The following APOC4 variants were observed in gnomAD, a reference collection of about 807,000 sequenced individuals.
The protein encoded by APOC4 is apolipoprotein C4, also known as apolipoprotein C-IV.
A neutral mutation model predicts 8.4 loss-of-function variants in APOC4; 10 were observed. The ratio of observed to expected loss-of-function variants is 1.19; its 90% confidence interval spans 0.74 to 2.03. The LOEUF is 2.03. APOC4 is among the 30% of genes most tolerant of loss of function. The probability of loss-of-function intolerance (pLI) is 0.00; values close to 1 mark genes in which losing one functional copy is unlikely to be tolerated. For missense variants in APOC4, 160 were observed against 156.1 expected (o/e 1.02, Z -0.13); for synonymous variants, 59 against 65.8 (o/e 0.90, Z 0.50).
intron 1 of APOC4, among the ~76,000 whole-genome samples, 156 bp from the exon 2 acceptor site, chr19:44,944,593 G>A (rs538075577): frequency 1.4e-3 from 211 of 152,012 alleles, no homozygotes; most frequent in African/African-American, 4.9e-3. Flanking sequence ...AGGGGTTAGC[G>A]GTCAGGGGAC....
chr19:44,944,384 G>A lies in APOC4; in HGVS notation c.77-365G>A, dbSNP rs547494676. ...TCTTCTAAAAATACAAAAATTAGCCGGGCATGATGGCAGATGCCTGTAATC... is the reference window on the plus strand; with the variant it reads ...TCTTCTAAAAATACAAAAATTAGCCAGGCATGATGGCAGATGCCTGTAATC... On this transcript the variant is annotated intron_variant, in intron 1 of 2. Transcript: ENST00000592954. 3.3e-4 allele frequency among the ~76,000 whole-genome samples: 50 copies of A among 151,910 alleles called. No homozygotes were observed. In the South Asian group the frequency reaches 7.1e-3, roughly 22 times the overall value.
chr19:44,944,788 C>G lies in APOC4; in HGVS notation c.116C>G (p.Pro39Arg), dbSNP rs780724569. ...GCCCAGGAAGGAACCCTGAGCCCCCCACCAAAGCTAAAGATGAGTCGCTGG... is the reference window on the plus strand; with the variant it reads ...GCCCAGGAAGGAACCCTGAGCCCCCGACCAAAGCTAAAGATGAGTCGCTGG... ...PEAQEGTLSP[P>R]PKLKMSRWSL... The change falls in exon 2 of 3, where the codon CCA (proline) becomes CGA (arginine). Residue 39 changes from proline to arginine, a missense_variant. Transcript: ENST00000592954. 9.3e-6 allele frequency: 15 copies of G among 1,611,706 alleles called. No individual in the cohort carries two copies. In the Admixed American group the frequency reaches 2.4e-4, roughly 25 times the overall value.
At chr19:44,942,953 GCT>G (rs2122198369) in intron 1 of APOC4, among the ~76,000 whole-genome samples, 1 of 151,368 alleles carries the variant, frequency 6.6e-6, no homozygotes, top group East Asian at 2.0e-4. Context: ...ACGGAGTCTC[GCT>G]CTGTTACCCA....
In APOC4 at chr19:44,945,342, C is replaced by T. The variant is rs1295013678; in HGVS notation, c.*37C>T. On this transcript the variant is annotated 3_prime_UTR_variant, in exon 3 of 3. Transcript: ENST00000592954. ...AAGCCAGGTGTGGTTGTGGCGGGTGCCTGTAGTCCCAGCTACTCAGGAGGC... is the reference window on the plus strand; with the variant it reads ...AAGCCAGGTGTGGTTGTGGCGGGTGTCTGTAGTCCCAGCTACTCAGGAGGC... 3 of 1,586,430 alleles carry T rather than the reference C, an allele frequency of 1.9e-6. No individual in the cohort carries two copies. The highest frequency in any genetic ancestry group is 2.6e-6 in the Non-Finnish European group (3 of 1,169,090).
rs113292373 is a variant in APOC4, at chr19:44,945,097, G to A, written c.219-43G>A. On this transcript the variant is annotated intron_variant, in intron 2 of 2. Coordinates refer to ENST00000592954, the MANE Select transcript of APOC4 (RefSeq NM_001646.3). Reference sequence around the variant, plus strand: ...CGGATAAATGGGGCAGAGAACACCTGGGGAGAGCTGGGGCCTCCACTGTGA... The same window carrying A: ...CGGATAAATGGGGCAGAGAACACCTAGGGAGAGCTGGGGCCTCCACTGTGA... The A allele has an allele frequency of 1.9e-5, 30 of 1,596,094 alleles. No individual in the cohort carries two copies. In the African/African-American group the frequency reaches 2.3e-4, roughly 12 times the overall value.
At chr19:44,943,489 C>T (rs138846824) in intron 1 of APOC4, among the ~76,000 whole-genome samples, 60 of 151,762 alleles carry the variant, frequency 4.0e-4, no homozygotes, top group Middle Eastern at 3.4e-3. Flanking sequence ...TTTCGGAGGC[C>T]GAGGCGGGTG....
Position 44,945,268 on chromosome 19 carries a change from G to A in APOC4, c.347G>A (p.Cys116Tyr). 1 of 1,613,928 alleles carries A rather than the reference G, an allele frequency of 6.2e-7. No individual in the cohort carries two copies. Among genetic ancestry groups the A allele is most frequent in the Non-Finnish European group, 8.5e-7 (1 of 1,179,976 alleles). ...CTCTTGAAGAAGACCCACAGCCTGT[G>A]CCCCAGGCTTGTCTGTGGGGACAAG... ...DSLLKKTHSL[C>Y]PRLVCGDKDQ... Residue 116 changes from cysteine to tyrosine, a missense_variant, in exon 3 of 3, where the codon TGC (cysteine) becomes TAC (tyrosine). Cys to Tyr is a radical substitution (Grantham distance 194). Transcript: ENST00000592954.
At position 44,942,843 on chromosome 19, in the gene APOC4, A is replaced by T. The variant is rs540110257; in HGVS notation, c.76+490A>T. On this transcript the variant is annotated intron_variant, in intron 1 of 2. Coordinates refer to ENST00000592954, the MANE Select transcript of APOC4 (RefSeq NM_001646.3). ...TGGTGCGATCTTGGCTCACTGCATC[A>T]TCCGCCTACCCGTTTCAAGGGATTC... Among the ~76,000 whole-genome samples the T allele has an allele frequency of 2.1e-5, 3 of 144,780 alleles. No homozygotes were observed. The South Asian group carries it at 6.6e-4, about 32-fold the overall frequency. 95.0% of individuals were successfully genotyped at this position (144,780 alleles called of 152,430 possible).
chr19:44,945,331 T>C lies in APOC4; in HGVS notation c.*26T>C, dbSNP rs376887357. ...AATGTTCATAAAAGCCAGGTGTGGT[T>C]GTGGCGGGTGCCTGTAGTCCCAGCT... is the stretch of plus-strand genomic sequence containing the variant. On this transcript the variant is annotated 3_prime_UTR_variant, in exon 3 of 3. Coordinates refer to ENST00000592954, the MANE Select transcript of APOC4 (RefSeq NM_001646.3). 1.3e-6 allele frequency: 2 copies of C among 1,598,880 alleles called. No individual in the cohort carries two copies. Among genetic ancestry groups the C allele is most frequent in the African/African-American group, 2.7e-5 (2 of 74,656 alleles).
At position 44,945,269 on chromosome 19, in the gene APOC4, C is replaced by A; in HGVS notation, c.348C>A (p.Cys116Ter). 1 of 1,613,916 alleles carries A rather than the reference C, an allele frequency of 6.2e-7. No individual in the cohort carries two copies. Among genetic ancestry groups the A allele is most frequent in the Non-Finnish European group, 8.5e-7 (1 of 1,179,982 alleles). Reference protein sequence around the residue: ...DSLLKKTHSLCPRLVCGDKDQ... With the variant: ...DSLLKKTHSL ...TCTTGAAGAAGACCCACAGCCTGTG[C>A]CCCAGGCTTGTCTGTGGGGACAAGG... Residue 116 changes from cysteine (C) to a stop codon, truncating the protein, a stop_gained, in exon 3 of 3, where the codon TGC becomes TGA. Transcript: ENST00000592954. LOFTEE classifies it low-confidence loss of function (END_TRUNC).
chr19:44,942,433 C>A, intron 1 of APOC4, 80 bp downstream of exon 1: 1 of 1,395,118 alleles, frequency 7.2e-7, no homozygotes, highest in Non-Finnish European at 1.0e-6. Context: ...GGCTCTGTAG[C>A]CACGTGAGAC....
Position 44,945,258 on chromosome 19 carries a change from C to G in APOC4, c.337C>G (p.His113Asp). The G allele has an allele frequency of 6.2e-7, 1 of 1,614,012 alleles. No individual in the cohort carries two copies. The highest frequency in any genetic ancestry group is 8.5e-7 in the Non-Finnish European group (1 of 1,179,998). Reference sequence around the variant, plus strand: ...CAAAGACAGCCTCTTGAAGAAGACCCACAGCCTGTGCCCCAGGCTTGTCTG... The same window carrying G: ...CAAAGACAGCCTCTTGAAGAAGACCGACAGCCTGTGCCCCAGGCTTGTCTG... ...ESKDSLLKKT[H>D]SLCPRLVCGD... The change falls in exon 3 of 3, where the codon CAC becomes GAC. Residue 113 changes from histidine (H) to aspartate (D), a missense_variant. Coordinates refer to ENST00000592954, the MANE Select transcript of APOC4 (RefSeq NM_001646.3).
chr19:44,944,717 G>A, intron 1 of APOC4, 32 bp from the exon 2 acceptor site: 1 of 1,596,598 alleles, frequency 6.3e-7, no homozygotes. Flanking sequence ...TAGGGTCCCA[G>A]CCTACCCAAG....
At chr19:44,943,313 C>A (rs1322057139) in intron 1 of APOC4, among the ~76,000 whole-genome samples, 1 of 151,902 alleles carries the variant, frequency 6.6e-6, no homozygotes, top group Non-Finnish European at 1.5e-5. Context: ...AGGTGATCCG[C>A]CCGCCTTGGC....
chr19:44,943,007 C>T (rs1025574261), intron 1 of APOC4, among the ~76,000 whole-genome samples: 4 of 151,862 alleles, frequency 2.6e-5, no homozygotes, highest in African/African-American at 9.7e-5. Flanking sequence ...CTGCAACGTC[C>T]GCCTCCCGGG....
rs1348488418 is a variant in APOC4 at position 44,944,609 on chromosome 19, A to AAT, written c.77-140_77-139insAT. 3.1e-6 allele frequency: 3 copies of AAT among 979,346 alleles called. No individual in the cohort carries two copies. The African/African-American group carries it at 5.0e-5, about 16-fold the overall frequency. The allele number at this position is 979,346 out of a possible 1,614,324, so 60.7% of individuals were successfully genotyped here. The stretch of plus-strand genomic sequence containing the variant: ...GGGGTTAGCGGTCAGGGGACACATA[A>AAT]GGGTAAAGGCAGGAGGCAAGAGGAC... On this transcript the variant is annotated intron_variant, in intron 1 of 2. Coordinates refer to ENST00000592954, the MANE Select transcript of APOC4 (RefSeq NM_001646.3).
In APOC4 at chr19:44,945,433, T is replaced by G; in HGVS notation, c.*128T>G. Reference sequence around the variant, plus strand: ...GCCTGGGCAACACAGCGAGATCTCTTGGGGGTAAAACAAAAAGAAAAAAAA... The same window carrying G: ...GCCTGGGCAACACAGCGAGATCTCTGGGGGGTAAAACAAAAAGAAAAAAAA... On this transcript the variant is annotated 3_prime_UTR_variant, in exon 3 of 3. Transcript: ENST00000592954. 1.1e-6 allele frequency: 1 copy of G among 897,246 alleles called. No individual in the cohort carries two copies. Among genetic ancestry groups the G allele is most frequent in the Non-Finnish European group, 1.7e-6 (1 of 598,392 alleles). 55.6% of individuals were successfully genotyped at this position (897,246 alleles called of 1,614,324 possible). A position where few individuals can be genotyped will look rare whatever the true frequency, so the allele number is the denominator to read the frequency against.
Position 44,945,250 on chromosome 19 carries a change from A to C in APOC4, c.329A>C (p.Lys110Thr), listed in dbSNP as rs138548797. ...CTCGAATCCAAAGACAGCCTCTTGA[A>C]GAAGACCCACAGCCTGTGCCCCAGG... ...WFLESKDSLL[K>T]KTHSLCPRLV... Residue 110 changes from lysine (K) to threonine (T), a missense_variant, in exon 3 of 3, where the codon AAG becomes ACG. Lys to Thr is a moderately conservative substitution (Grantham distance 78). Transcript: ENST00000592954. 3.1e-4 allele frequency: 504 copies of C among 1,614,026 alleles called. No individual in the cohort carries two copies. In the African/African-American group the frequency reaches 5.7e-3, roughly 18 times the overall value.
At chr19:44,944,939 G>A in intron 2 of APOC4, 49 bp downstream of exon 2, 1 of 1,570,624 alleles carries the variant, frequency 6.4e-7, no homozygotes, top group Non-Finnish European at 8.6e-7. Context: ...TGGGTCTGAG[G>A]GAGGAGGGGC....
Sources: gnomAD v4.1 joint callset for allele counts (sites outside exome capture counted in the v4.1 genomes callset) on GRCh38, gnomAD v4.1.1 for gene constraint, MANE v1.5 for transcripts, NCBI Gene and HGNC (gene_info 2026-07-23, HGNC 2026-07-21) for gene names.